INPP5A: variants seen among roughly 807,000 people sequenced by gnomAD.
INPP5A encodes inositol polyphosphate-5-phosphatase A.
Under a neutral mutation model 65.2 loss-of-function variants are expected in INPP5A, and 14 were observed. That is an observed-to-expected ratio of 0.21 (90% CI 0.14 to 0.34). The LOEUF (loss-of-function observed/expected upper bound fraction) is 0.34. INPP5A is among the 10% of genes least tolerant of loss of function. INPP5A has a pLI of 1.00. For missense variants in INPP5A, 431 were observed against 545.6 expected (o/e 0.79, Z 2.09); for synonymous variants, 207 against 208.3 (o/e 0.99, Z 0.05).
At chr10:132,643,610 T>G (rs1385837878) in intron 2 of INPP5A, among the ~76,000 whole-genome samples, 1 of 152,156 alleles carries the variant, frequency 6.6e-6, no homozygotes, top group East Asian at 1.9e-4. Context: ...GCAGGAATGG[T>G]GAAGGGACGG....
Position 132,599,664 on chromosome 10 carries a change from A to G in INPP5A, c.76-8251A>G, listed in dbSNP as rs551762594. On this transcript the variant is annotated intron_variant, in intron 1 of 15. Coordinates refer to ENST00000368594, the MANE Select transcript of INPP5A (RefSeq NM_005539.5). Reference sequence around the variant, plus strand: ...CTCTGTGTGGGGGCTCTGACCCCACATTACCCTTCTGCACTGCCCTAGCAG... The same window carrying G: ...CTCTGTGTGGGGGCTCTGACCCCACGTTACCCTTCTGCACTGCCCTAGCAG... 2.6e-5 allele frequency among the ~76,000 whole-genome samples: 4 copies of G among 152,328 alleles called. No individual in the cohort carries two copies. In the South Asian group the frequency reaches 6.2e-4, roughly 24 times the overall value.
intron 11 of INPP5A, among the ~76,000 whole-genome samples, chr10:132,755,460 G>A (rs1233153665): frequency 1.4e-5 from 2 of 144,448 alleles, no homozygotes; most frequent in East Asian, 2.0e-4. Context: ...AGGTGTGAGC[G>A]AGTGTGTGTG....
At chr10:132,689,613 G>C (rs923696663) in intron 4 of INPP5A, among the ~76,000 whole-genome samples, 3 of 152,152 alleles carry the variant, frequency 2.0e-5, no homozygotes, top group Non-Finnish European at 4.4e-5. Flanking sequence ...GCCAGATTTA[G>C]CAAAAGAAAA....
intron 2 of INPP5A, among the ~76,000 whole-genome samples, chr10:132,636,895 C>T (rs576642950): frequency 1.3e-5 from 2 of 152,142 alleles, no homozygotes; most frequent in East Asian, 1.9e-4. Flanking sequence ...GGTGCTGGTC[C>T]GATTCTTTAC....
chr10:132,539,060 T>G (rs993243455), intron 1 of INPP5A, among the ~76,000 whole-genome samples: 2 of 152,240 alleles, frequency 1.3e-5, no homozygotes, highest in South Asian at 2.1e-4. Context: ...CCTTGGCCCC[T>G]TCCTCCAACA....
chr10:132,677,533 C>A (rs866740700), intron 4 of INPP5A, among the ~76,000 whole-genome samples: 4 of 152,228 alleles, frequency 2.6e-5, no homozygotes, highest in African/African-American at 9.6e-5. Flanking sequence ...TGGTAGCAGG[C>A]GAGAAGCCAG....
rs781024908 is a variant in INPP5A at position 132,777,781 on chromosome 10, G to C, written c.1088G>C (p.Arg363Pro). The part of the protein sequence containing the change: ...MSPSAKELVL[R>P]SESEEKVVTY... The stretch of plus-strand genomic sequence containing the variant: ...CCGTCTGCCAAGGAGCTGGTGCTGC[G>C]GGTGAGTGTGTGCTGCCCCAGCCCT... Residue 363 changes from arginine (R) to proline (P), a missense_variant and splice_region_variant, in exon 13 of 16, where the codon CGG becomes CCG. By Grantham distance (103) the Arg-to-Pro change is moderately radical. Coordinates refer to ENST00000368594, the MANE Select transcript of INPP5A (RefSeq NM_005539.5). 1 of 1,612,642 alleles carries C rather than the reference G, an allele frequency of 6.2e-7. No individual in the cohort carries two copies. Among genetic ancestry groups the C allele is most frequent in the Non-Finnish European group, 8.5e-7 (1 of 1,179,854 alleles).
At chr10:132,649,412 T>C (rs1049526350) in intron 3 of INPP5A, among the ~76,000 whole-genome samples, 2 of 152,252 alleles carry the variant, frequency 1.3e-5, no homozygotes, top group Non-Finnish European at 2.9e-5. Context: ...TTGCTGCTTC[T>C]CATATCAAGT....
intron 2 of INPP5A, among the ~76,000 whole-genome samples, chr10:132,614,639 A>G (rs1407154615): frequency 6.6e-6 from 1 of 152,234 alleles, no homozygotes; most frequent in Non-Finnish European, 1.5e-5. Context: ...TCAGGCCCCA[A>G]ACACAGGAGC....
In INPP5A at chr10:132,760,490, C is replaced by T. The variant is rs187385117; in HGVS notation, c.904-5283C>T. On this transcript the variant is annotated intron_variant, in intron 11 of 15. Transcript: ENST00000368594. ...TGCACTTTGGTGCTGTCCAGGACTG[C>T]GTCCCCCACAGCTGTGAAAGCTCTG... Among the ~76,000 whole-genome samples, 63 of 152,376 alleles carry T rather than the reference C, an allele frequency of 4.1e-4. No individual in the cohort carries two copies. In the East Asian group the frequency reaches 7.5e-3, roughly 18 times the overall value.
At chr10:132,745,378 C>G (rs1467734438) in intron 9 of INPP5A, among the ~76,000 whole-genome samples, 1 of 152,168 alleles carries the variant, frequency 6.6e-6, no homozygotes, top group Admixed American at 6.5e-5. Context: ...TGTTGACCAC[C>G]AGGGAGTAAC....
At chr10:132,690,093 C>T (rs963790006) in intron 4 of INPP5A, among the ~76,000 whole-genome samples, 1 of 152,140 alleles carries the variant, frequency 6.6e-6, no homozygotes, top group Admixed American at 6.5e-5. Context: ...GAGCCAGCAC[C>T]GGCTGCACGG....
At chr10:132,696,460 A>G (rs531751705) in intron 5 of INPP5A, among the ~76,000 whole-genome samples, 8 of 152,330 alleles carry the variant, frequency 5.3e-5, no homozygotes, top group Non-Finnish European at 1.2e-4. Flanking sequence ...AGACTGTGGC[A>G]TGTCAGCTCC....
rs540730512 is a variant in INPP5A at position 132,600,542 on chromosome 10, A to G, written c.76-7373A>G. Reference sequence around the variant, plus strand: ...TTCCTGTCGTCTTCTCATCCCTTCAAACTGTTCCAACCTCTGCCTGTTATG... The same window carrying G: ...TTCCTGTCGTCTTCTCATCCCTTCAGACTGTTCCAACCTCTGCCTGTTATG... On this transcript the variant is annotated intron_variant, in intron 1 of 15. Coordinates refer to ENST00000368594, the MANE Select transcript of INPP5A (RefSeq NM_005539.5). Among the ~76,000 whole-genome samples, 5 of 152,216 alleles carry G rather than the reference A, an allele frequency of 3.3e-5. No homozygotes were observed. The East Asian group carries it at 5.8e-4, about 18-fold the overall frequency.
intron 4 of INPP5A, among the ~76,000 whole-genome samples, chr10:132,683,608 C>CCTGA (rs1412533727): frequency 6.6e-6 from 1 of 152,248 alleles, no homozygotes; most frequent in Non-Finnish European, 1.5e-5. Context: ...GACACACTTG[C>CCTGA]TCAGTAACAC....
intron 2 of INPP5A, among the ~76,000 whole-genome samples, chr10:132,620,277 C>T (rs919580439): frequency 6.6e-6 from 1 of 152,234 alleles, no homozygotes; most frequent in African/African-American, 2.4e-5. Flanking sequence ...CAAGTGGTTG[C>T]TTTACAGCCT....
intron 1 of INPP5A, among the ~76,000 whole-genome samples, chr10:132,553,147 T>C (rs1453449788): frequency 2.8e-4 from 25 of 88,276 alleles, no homozygotes; most frequent in Admixed American, 5.8e-4. Flanking sequence ...GGAGGGAGGA[T>C]TGGTGAACGC....
intron 8 of INPP5A, among the ~76,000 whole-genome samples, chr10:132,711,221 G>C (rs1158160509): frequency 6.6e-6 from 1 of 152,150 alleles, no homozygotes; most frequent in Non-Finnish European, 1.5e-5. Context: ...GCTCCGGGCT[G>C]CTCCACCGGT....
intron 1 of INPP5A, among the ~76,000 whole-genome samples, chr10:132,607,189 A>C (rs2071868443): frequency 6.6e-6 from 1 of 152,146 alleles, no homozygotes; most frequent in African/African-American, 2.4e-5. Context: ...GTGGAGAGCG[A>C]CTGGGCCGTC....
Sources: gnomAD v4.1 joint callset for allele counts (sites outside exome capture counted in the v4.1 genomes callset) on GRCh38, gnomAD v4.1.1 for gene constraint, MANE v1.5 for transcripts, NCBI Gene and HGNC (gene_info 2026-07-23, HGNC 2026-07-21) for gene names.